NPAS3: variants seen among roughly 807,000 people sequenced by gnomAD.
NPAS3 encodes neuronal PAS domain protein 3.
Under a neutral mutation model 73.1 loss-of-function variants are expected in NPAS3, and 14 were observed. The observed-to-expected ratio is 0.19, with a 90% confidence interval of 0.13 to 0.30. The LOEUF (loss-of-function observed/expected upper bound fraction) is 0.30, where lower values mean the gene tolerates loss of function less well. NPAS3 is among the 10% of genes least tolerant of loss of function. The pLI, the probability that NPAS3 is intolerant of heterozygous loss-of-function variation, is 1.00. For synonymous variants in NPAS3, 620 were observed against 541.5 expected (o/e 1.14, Z -2.01); for missense variants, 1,096 against 1,250.0 (o/e 0.88, Z 1.86).
chr14:33,200,678 A>T (rs1363579354), intron 2 of NPAS3, among the ~76,000 whole-genome samples: 1 of 152,218 alleles, frequency 6.6e-6, no homozygotes, highest in South Asian at 2.1e-4. Flanking sequence ...AAGATTTTAC[A>T]TTAAAAAATC....
downstream of NPAS3, chr14:33,802,082 A>G (rs2063726844): frequency 6.6e-6 from 1 of 152,238 alleles, no homozygotes; most frequent in South Asian, 2.1e-4. Context: ...CAGTTTAGGT[A>G]CATACTGCCT....
intron 2 of NPAS3, among the ~76,000 whole-genome samples, chr14:33,113,336 T>C (rs928761921): frequency 6.6e-6 from 1 of 152,192 alleles, no homozygotes; most frequent in Non-Finnish European, 1.5e-5. Context: ...TGTCCTCTTT[T>C]ATTTCGTTGA....
intron 5 of NPAS3, among the ~76,000 whole-genome samples, chr14:33,637,912 G>A (rs1335758167): frequency 1.3e-5 from 2 of 152,174 alleles, no homozygotes; most frequent in African/African-American, 4.8e-5. Context: ...ACTCCACAAA[G>A]GAGCTGGGCT....
intron 5 of NPAS3, among the ~76,000 whole-genome samples, chr14:33,675,314 C>A (rs1486857126): frequency 6.6e-6 from 1 of 152,196 alleles, no homozygotes; most frequent in Non-Finnish European, 1.5e-5. Context: ...TCCTTACCAG[C>A]AACTTCTGCC....
chr14:33,634,347 C>T (rs567710423), intron 5 of NPAS3, among the ~76,000 whole-genome samples: 6 of 152,248 alleles, frequency 3.9e-5, no homozygotes, highest in African/African-American at 1.4e-4. Context: ...CAGTAGCCTG[C>T]ATTTTAGGGG....
chr14:33,169,012 G>C lies in NPAS3; in HGVS notation c.141-46170G>C, dbSNP rs147094719. 6.0e-3 allele frequency among the ~76,000 whole-genome samples: 909 copies of C among 152,284 alleles called. 7 individuals carry two copies. The highest frequency in any genetic ancestry group is 0.024 in the Middle Eastern group (7 of 294). On this transcript the variant is annotated intron_variant, in intron 2 of 11. Coordinates refer to ENST00000356141, the Ensembl canonical transcript of NPAS3. ...AGAAAAGTGAAGTATAATAATACTTGTAATCTACAGTAGAACACTTCATAA... is the reference window on the plus strand; with the variant it reads ...AGAAAAGTGAAGTATAATAATACTTCTAATCTACAGTAGAACACTTCATAA...
At chr14:33,004,660 TACTATA>T (rs1391746516) in intron 1 of NPAS3, among the ~76,000 whole-genome samples, 1 of 152,112 alleles carries the variant, frequency 6.6e-6, no homozygotes, top group African/African-American at 2.4e-5. Context: ...AACCTTAGCT[TACTATA>T]ACTATTTTAC....
chr14:33,574,901 G>A (rs137900180), intron 5 of NPAS3, among the ~76,000 whole-genome samples: 1 of 152,258 alleles, frequency 6.6e-6, no homozygotes, highest in East Asian at 1.9e-4. Context: ...CCTGGTAAAG[G>A]TGAAACCAGA....
chr14:33,097,341 G>T (rs898231526), intron 2 of NPAS3, among the ~76,000 whole-genome samples: 1 of 152,006 alleles, frequency 6.6e-6, no homozygotes, highest in Non-Finnish European at 1.5e-5. Flanking sequence ...CTTTTGTTTT[G>T]CTCGACATTG....
chr14:33,064,083 A>T (rs1342246334), intron 2 of NPAS3, among the ~76,000 whole-genome samples: 1 of 152,160 alleles, frequency 6.6e-6, no homozygotes, highest in Non-Finnish European at 1.5e-5. Flanking sequence ...GCCTTAAAGG[A>T]GATCATTGTG....
At chr14:33,423,926 T>C (rs1333340080) in intron 4 of NPAS3, among the ~76,000 whole-genome samples, 1 of 151,972 alleles carries the variant, frequency 6.6e-6, no homozygotes, top group Non-Finnish European at 1.5e-5. Flanking sequence ...TTTTCCTTCT[T>C]CAAAAATTGA....
chr14:33,411,933 A>G (rs1358532866), intron 4 of NPAS3, among the ~76,000 whole-genome samples: 2 of 152,264 alleles, frequency 1.3e-5, no homozygotes, highest in African/African-American at 2.4e-5. Context: ...GCAGGCCACC[A>G]GAGTGGTTAT....
chr14:33,574,131 C>T (rs889920774), intron 5 of NPAS3, among the ~76,000 whole-genome samples: 3 of 151,992 alleles, frequency 2.0e-5, no homozygotes, highest in African/African-American at 7.3e-5. Flanking sequence ...TATACCTGGA[C>T]CCAAAGGAAT....
At chr14:33,763,169 T>C (rs373179892) in intron 7 of NPAS3, among the ~76,000 whole-genome samples, 17 of 152,270 alleles carry the variant, frequency 1.1e-4, no homozygotes, top group African/African-American at 3.9e-4. Flanking sequence ...CAGCTCCAGC[T>C]TGCTTGAGGT....
At chr14:33,090,102 A>G (rs2042173702) in intron 2 of NPAS3, among the ~76,000 whole-genome samples, 1 of 152,236 alleles carries the variant, frequency 6.6e-6, no homozygotes, top group Non-Finnish European at 1.5e-5. Context: ...AATGGACAAA[A>G]TAACCAGCTA....
At chr14:32,939,596 G>A (rs1161113639) in intron 1 of NPAS3, among the ~76,000 whole-genome samples, 2 of 138,632 alleles carry the variant, frequency 1.4e-5, no homozygotes, top group African/African-American at 5.4e-5. Flanking sequence ...GCACCTCCTC[G>A]GCTCGGCGAA....
At chr14:33,798,649 A>C (rs1268247238) in intron 11 of NPAS3, among the ~76,000 whole-genome samples, 2 of 152,184 alleles carry the variant, frequency 1.3e-5, no homozygotes, top group Non-Finnish European at 2.9e-5. Context: ...AGGGCAGAGC[A>C]CTCAAGGCAG....
intron 1 of NPAS3, among the ~76,000 whole-genome samples, chr14:33,020,756 G>A (rs977851035): frequency 1.3e-5 from 2 of 150,132 alleles, no homozygotes; most frequent in South Asian, 2.1e-4. Context: ...CAAGTCCAAC[G>A]TTTTTGTTTC....
chr14:33,453,118 C>T (rs890899419), intron 4 of NPAS3, among the ~76,000 whole-genome samples: 2 of 152,166 alleles, frequency 1.3e-5, no homozygotes, highest in African/African-American at 4.8e-5. Context: ...AGCTCAAGCT[C>T]ACCCTTGTTC....
Sources: gnomAD v4.1 joint callset for allele counts (sites outside exome capture counted in the v4.1 genomes callset) on GRCh38, gnomAD v4.1.1 for gene constraint, MANE v1.5 for transcripts, NCBI Gene and HGNC (gene_info 2026-07-23, HGNC 2026-07-21) for gene names.